Variants in GALNT14 observed in about 807,000 individuals in gnomAD.
GALNT14 encodes the protein polypeptide N-acetylgalactosaminyltransferase 14.
Under a neutral mutation model 77.5 loss-of-function variants are expected in GALNT14, and 60 were observed. The ratio of observed to expected loss-of-function variants is 0.77; its 90% CI spans 0.63 to 0.96. The LOEUF (loss-of-function observed/expected upper bound fraction) is 0.96, where lower values mean the gene tolerates loss of function less well. Among genes scored for constraint, GALNT14 ranks in the 40% least tolerant of loss-of-function variants. The probability of loss-of-function intolerance (pLI) is 0.00; values close to 1 mark genes in which losing one functional copy is unlikely to be tolerated. For missense variants in GALNT14, 710 were observed against 731.0 expected (o/e 0.97, Z 0.33); for synonymous variants, 280 against 281.7 (o/e 0.99, Z 0.06).
At chr2:30,960,404 C>CA (rs1489102868) in intron 3 of GALNT14, among the ~76,000 whole-genome samples, 4 of 152,052 alleles carry the variant, frequency 2.6e-5, no homozygotes. Flanking sequence ...CTGCGAACAT[C>CA]AAAAGGTAAA....
At chr2:30,976,113 T>C (rs1447242497) in intron 2 of GALNT14, among the ~76,000 whole-genome samples, 11 of 152,158 alleles carry the variant, frequency 7.2e-5, no homozygotes, top group Admixed American at 7.2e-4. Flanking sequence ...GCAAAAAACA[T>C]AATTACTGAA....
the GALNT14 span, among the ~76,000 whole-genome samples, chr2:30,900,465 C>T: frequency 6.6e-6 from 1 of 152,152 alleles, no homozygotes; most frequent in Non-Finnish European, 1.5e-5. Flanking sequence ...CGTTTGATAA[C>T]TGTAGCCAGG....
chr2:31,051,331 C>T (rs1256704658), intron 1 of GALNT14, among the ~76,000 whole-genome samples: 1 of 152,188 alleles, frequency 6.6e-6, no homozygotes, highest in East Asian at 1.9e-4. Context: ...TTAACATTTG[C>T]AATTAGTAGA....
At chr2:30,929,553 G>C (rs1665602476) in intron 10 of GALNT14, 66 bp from the exon 11 acceptor site, 1 of 1,199,048 alleles carries the variant, frequency 8.3e-7, no homozygotes, top group East Asian at 2.4e-5. Flanking sequence ...GTGAGTGCCA[G>C]TTAAAATACA....
chr2:31,064,593 T>C (rs1674815631), intron 1 of GALNT14, among the ~76,000 whole-genome samples: 1 of 152,028 alleles, frequency 6.6e-6, no homozygotes, highest in South Asian at 2.1e-4. Flanking sequence ...TACCCAAGAG[T>C]GGATGTTCAC....
chr2:31,050,344 G>A (rs186346661), intron 1 of GALNT14, among the ~76,000 whole-genome samples: 6 of 152,154 alleles, frequency 3.9e-5, no homozygotes, highest in South Asian at 2.1e-4. Context: ...TTCCCAGCAC[G>A]TAAGAAGGTA....
chr2:31,098,080 T>C lies in GALNT14; in HGVS notation c.129+39878A>G, dbSNP rs150058822. Among the ~76,000 whole-genome samples the C allele has an allele frequency of 7.2e-5, 11 of 152,294 alleles. No homozygotes were observed. The East Asian group carries it at 2.1e-3, about 29-fold the overall frequency. On this transcript the variant is annotated intron_variant, in intron 1 of 14. Transcript: ENST00000349752. ...TCTCAAGCTGGCCTCAATCACATTC[T>C]ACGTCTCTATTAAAAAGCTGCAAAA... is the stretch of plus-strand genomic sequence containing the variant.
At chr2:30,962,108 A>G (rs61484876) in intron 3 of GALNT14, among the ~76,000 whole-genome samples, 4,376 of 152,264 alleles carry the variant, frequency 0.029, 67 homozygotes, top group East Asian at 0.054. Flanking sequence ...GCTGTCTGCC[A>G]GGGCTGGAGG....
intron 1 of GALNT14, among the ~76,000 whole-genome samples, chr2:31,022,599 G>T (rs1339456187): frequency 6.6e-6 from 1 of 152,196 alleles, no homozygotes; most frequent in African/African-American, 2.4e-5. Flanking sequence ...AGCTAAGGGG[G>T]TGCTTCAGGG....
intron 1 of GALNT14, among the ~76,000 whole-genome samples, chr2:31,084,725 T>C (rs1183905169): frequency 6.6e-6 from 1 of 152,110 alleles, no homozygotes; most frequent in Non-Finnish European, 1.5e-5. Flanking sequence ...GGTGTGAAGA[T>C]TAAAGGTAAA....
intron 1 of GALNT14, among the ~76,000 whole-genome samples, chr2:31,059,312 T>C (rs1391674045): frequency 6.6e-6 from 1 of 152,204 alleles, no homozygotes; most frequent in Non-Finnish European, 1.5e-5. Flanking sequence ...CTATTTCTAA[T>C]AGAAATAGTC....
intron 1 of GALNT14, among the ~76,000 whole-genome samples, chr2:31,004,935 C>G (rs780029425): frequency 6.6e-6 from 1 of 152,126 alleles, no homozygotes; most frequent in Non-Finnish European, 1.5e-5. Context: ...ATGAGCAGAC[C>G]TGGAGTCACT....
intron 1 of GALNT14, among the ~76,000 whole-genome samples, chr2:31,129,984 C>T (rs1203295511): frequency 3.3e-5 from 5 of 152,256 alleles, no homozygotes; most frequent in East Asian, 3.9e-4. Context: ...AGAAGACAGC[C>T]GGGGTGGTTG....
intron 6 of GALNT14, among the ~76,000 whole-genome samples, chr2:30,953,305 CTTTTT>C (rs34668885): frequency 2.6e-5 from 3 of 117,104 alleles, no homozygotes; most frequent in African/African-American, 7.1e-5. Flanking sequence ...AATTTCCTTC[CTTTTT>C]TTTTTTTTTT....
At chr2:30,988,058 C>T (rs900114380) in intron 2 of GALNT14, among the ~76,000 whole-genome samples, 2 of 152,148 alleles carry the variant, frequency 1.3e-5, no homozygotes, top group Non-Finnish European at 2.9e-5. Context: ...CCCTGAGGAT[C>T]GAAGGGTGAG....
intron 1 of GALNT14, among the ~76,000 whole-genome samples, chr2:31,132,181 G>A (rs6743542): frequency 0.29 from 44,699 of 152,058 alleles, 6,619 homozygotes; most frequent in African/African-American, 0.35. Context: ...CTGACTCAGC[G>A]CTGACAACCA....
chr2:30,935,454 G>T lies in GALNT14; in HGVS notation c.932-3260C>A, dbSNP rs182173239. On this transcript the variant is annotated intron_variant, in intron 9 of 14. Coordinates refer to ENST00000349752, the MANE Select transcript of GALNT14 (RefSeq NM_024572.4). The stretch of plus-strand genomic sequence containing the variant: ...GATGTCCATCTCAGGTCTCCTTCAG[G>T]CTGGCTGCTGCCGCCCAGAGGAACC... 8.5e-5 allele frequency among the ~76,000 whole-genome samples: 13 copies of T among 152,292 alleles called. 1 individual carries two copies. The East Asian group carries it at 2.5e-3, about 29-fold the overall frequency.
chr2:31,117,753 A>G lies in GALNT14; in HGVS notation c.129+20205T>C, dbSNP rs566555858. Among the ~76,000 whole-genome samples, 188 of 152,294 alleles carry G rather than the reference A, an allele frequency of 1.2e-3. 1 individual carries two copies. Among genetic ancestry groups the G allele is most frequent in the Non-Finnish European group, 1.8e-3 (120 of 68,028 alleles). On this transcript the variant is annotated intron_variant, in intron 1 of 14. Coordinates refer to ENST00000349752, the MANE Select transcript of GALNT14 (RefSeq NM_024572.4). ...GTGAAAAGACCTGTTACCATATGCA[A>G]TAGTGGAAGATAGGCTATGCTAACA...
chr2:30,897,047 G>A, the GALNT14 span, among the ~76,000 whole-genome samples: 4 of 151,984 alleles, frequency 2.6e-5, no homozygotes, highest in Non-Finnish European at 4.4e-5. Flanking sequence ...GTGGCTCACC[G>A]CTACTTTACT....
Sources: gnomAD v4.1 joint callset for allele counts (sites outside exome capture counted in the v4.1 genomes callset) on GRCh38, gnomAD v4.1.1 for gene constraint, MANE v1.5 for transcripts, NCBI Gene and HGNC (gene_info 2026-07-23, HGNC 2026-07-21) for gene names.